Variants in STARD8 observed in about 807,000 individuals in gnomAD.
STARD8 encodes the protein stAR-related lipid transfer protein 8.
A neutral mutation model predicts 69.4 loss-of-function variants in STARD8; 25 were observed. The observed-to-expected ratio is 0.36, with a 90% CI of 0.26 to 0.50. The LOEUF (loss-of-function observed/expected upper bound fraction) is 0.50. Among genes scored for constraint, STARD8 ranks in the 20% least tolerant of loss-of-function variants. The probability of loss-of-function intolerance (pLI) is 0.96; values close to 1 mark genes in which losing one functional copy is unlikely to be tolerated. For synonymous variants in STARD8, 389 were observed against 374.6 expected (o/e 1.04, Z -0.45); for missense variants, 921 against 932.5 (o/e 0.99, Z 0.16).
At chrX:68,659,520 A>C (rs1037788029) in intron 1 of STARD8, among the ~76,000 whole-genome samples, 6 of 110,510 alleles carry the variant, frequency 5.4e-5, no homozygotes, top group Non-Finnish European at 1.1e-4. Context: ...GCTCCATCCC[A>C]CACTGGAATC....
chrX:68,704,963 C>T (rs1301110241), intron 2 of STARD8, among the ~76,000 whole-genome samples: 1 of 112,187 alleles, frequency 8.9e-6, no homozygotes, highest in East Asian at 2.8e-4. Flanking sequence ...ATACTTTCCA[C>T]TCAAACCACA....
intron 2 of STARD8, among the ~76,000 whole-genome samples, chrX:68,668,235 C>CTT (rs2079702239): frequency 1.5e-5 from 1 of 66,019 alleles, no homozygotes; most frequent in Non-Finnish European, 2.7e-5. Flanking sequence ...TCTTTTTTCT[C>CTT]CTCTTTCTTT....
chrX:68,657,571 C>T (rs192214633), intron 1 of STARD8, among the ~76,000 whole-genome samples: 43 of 112,136 alleles, frequency 3.8e-4, no homozygotes, highest in African/African-American at 1.1e-3. Context: ...CTGTTCAATG[C>T]GTTAACAGTT....
At position 68,720,336 on chromosome X, in the gene STARD8, C is replaced by A; in HGVS notation, c.1962C>A (p.Pro654=). 8.3e-7 allele frequency: 1 copy of A among 1,207,068 alleles called. No individual in the cohort carries two copies. ...YRGQHVFGVP[P]LIHVQRTGQP... is the part of the protein sequence containing the mutation. The stretch of plus-strand genomic sequence containing the variant: ...GACAGCACGTATTTGGGGTGCCACC[C>A]CTCATCCACGTGCAGCGCACGGGCC... The change falls in exon 8 of 15, where the codon CCC becomes CCA. Residue 654 remains proline, a synonymous_variant. Coordinates refer to ENST00000374599, the MANE Select transcript of STARD8 (RefSeq NM_001142503.3).
At chrX:68,676,183 CCTGGCTGGGGCCCT>C (rs1386615389) in intron 2 of STARD8, among the ~76,000 whole-genome samples, 13 of 112,161 alleles carry the variant, frequency 1.2e-4, no homozygotes. Flanking sequence ...AGGAGACGGG[CCTGGCTGGGGCCCT>C]CTTCTGTTTT....
chrX:68,705,600 A>G (rs772171810), intron 2 of STARD8, among the ~76,000 whole-genome samples: 4 of 112,959 alleles, frequency 3.5e-5, no homozygotes, highest in Non-Finnish European at 7.5e-5. Context: ...AGCCCCCAGG[A>G]CATCCTGGGG....
intron 2 of STARD8, among the ~76,000 whole-genome samples, chrX:68,686,916 C>T (rs772413748): frequency 2.7e-5 from 3 of 110,922 alleles, no homozygotes; most frequent in Non-Finnish European, 3.8e-5. Context: ...ACGTGGTAGG[C>T]GTTCAGTAAA....
intron 2 of STARD8, among the ~76,000 whole-genome samples, chrX:68,668,258 C>CT (rs1183843063): frequency 1.2e-5 from 1 of 82,590 alleles, no homozygotes; most frequent in Non-Finnish European, 2.2e-5. Context: ...TTCTTTCTTT[C>CT]TTTCTTTCTT....
At position 68,717,444 on chromosome X, in the gene STARD8, G is replaced by A. The variant is rs780489828; in HGVS notation, c.530G>A (p.Arg177His). ...PEPADLPLPG[R>H]APSSSDRPLL... ...CCAGCAGACTTGCCCTTGCCAGGCC[G>A]TGCCCCCAGCTCGAGTGACCGGCCC... The change falls in exon 6 of 15, where the codon CGT becomes CAT. Residue 177 changes from arginine (R) to histidine (H), a missense_variant. Arg to His is a conservative substitution (Grantham distance 29). Coordinates refer to ENST00000374599, the MANE Select transcript of STARD8 (RefSeq NM_001142503.3). The A allele has an allele frequency of 1.5e-5, 18 of 1,209,904 alleles. No homozygotes were observed. The highest frequency in any genetic ancestry group is 2.0e-5 in the Non-Finnish European group (18 of 894,943).
chrX:68,694,312 C>A (rs754545005), intron 2 of STARD8, among the ~76,000 whole-genome samples: 1 of 112,938 alleles, frequency 8.9e-6, no homozygotes, highest in African/African-American at 3.2e-5. Context: ...TCATTGCTTT[C>A]TCTCCTGAGA....
At chrX:68,672,468 G>A (rs779250338) in intron 2 of STARD8, among the ~76,000 whole-genome samples, 2 of 111,537 alleles carry the variant, frequency 1.8e-5, no homozygotes, top group South Asian at 3.8e-4. Flanking sequence ...TCCTAAAATC[G>A]TTTCTCACAG....
intron 2 of STARD8, among the ~76,000 whole-genome samples, chrX:68,712,680 A>G (rs2080060189): frequency 8.9e-6 from 1 of 111,732 alleles, no homozygotes; most frequent in African/African-American, 3.3e-5. Context: ...ATGAGACTCA[A>G]GAAAGCCAGG....
At chrX:68,653,085 C>CA (rs1314004770) in intron 1 of STARD8, among the ~76,000 whole-genome samples, 1 of 9,874 alleles carries the variant, frequency 1.0e-4, no homozygotes, top group Non-Finnish European at 1.7e-4. Flanking sequence ...ACACACCACA[C>CA]CACACACCAC....
intron 2 of STARD8, among the ~76,000 whole-genome samples, chrX:68,674,769 GT>G (rs1187900377): frequency 5.8e-4 from 60 of 103,639 alleles, no homozygotes; most frequent in African/African-American, 1.7e-3. Context: ...GTTTTCTCAG[GT>G]TTTTTTTTTT....
chrX:68,709,184 G>A (rs1198976716), intron 2 of STARD8, among the ~76,000 whole-genome samples: 1 of 112,446 alleles, frequency 8.9e-6, no homozygotes, highest in African/African-American at 3.2e-5. Flanking sequence ...CTAGATTCCT[G>A]TTAAGGAGGG....
chrX:68,694,662 G>T (rs942043173), intron 2 of STARD8, among the ~76,000 whole-genome samples: 1 of 111,351 alleles, frequency 9.0e-6, no homozygotes, highest in South Asian at 3.8e-4. Flanking sequence ...TAAAGGGCCC[G>T]GTCTCTTTCA....
intron 2 of STARD8, among the ~76,000 whole-genome samples, chrX:68,668,274 CTCTTTCTT>C (rs72167486): frequency 2.0e-3 from 133 of 66,740 alleles, no homozygotes; most frequent in East Asian, 2.5e-3. Context: ...TTCTTTCTTT[CTCTTTCTT>C]TCTTTCTTTC....
At position 68,718,029 on chromosome X, in the gene STARD8, A is replaced by G; in HGVS notation, c.1115A>G (p.Glu372Gly). 1 of 1,210,886 alleles carries G rather than the reference A, an allele frequency of 8.3e-7. No homozygotes were observed. Among genetic ancestry groups the G allele is most frequent in the Non-Finnish European group, 1.1e-6 (1 of 895,137 alleles). Residue 372 changes from glutamate (E) to glycine (G), a missense_variant, in exon 6 of 15, where the codon GAG becomes GGG. By Grantham distance (98) the Glu-to-Gly change is moderately conservative. Transcript: ENST00000374599. Reference protein sequence around the residue: ...YPAEPVMVGAEAEDEDDEESG... With the variant: ...YPAEPVMVGAGAEDEDDEESG... ...GCTGAGCCTGTAATGGTTGGGGCTG[A>G]GGCTGAAGATGAAGATGATGAGGAG... is the stretch of plus-strand genomic sequence containing the variant.
At chrX:68,691,000 C>T (rs981110044) in intron 2 of STARD8, among the ~76,000 whole-genome samples, 2 of 111,595 alleles carry the variant, frequency 1.8e-5, no homozygotes, top group African/African-American at 6.5e-5. Context: ...TAGCAGAGGC[C>T]ATTTGTACCC....
Sources: gnomAD v4.1 joint callset for allele counts (sites outside exome capture counted in the v4.1 genomes callset) on GRCh38, gnomAD v4.1.1 for gene constraint, MANE v1.5 for transcripts, NCBI Gene and HGNC (gene_info 2026-07-23, HGNC 2026-07-21) for gene names.